Variants in KAZN observed in about 807,000 individuals in gnomAD.
KAZN encodes kazrin, periplakin interacting protein, also known as kazrin.
A neutral mutation model predicts 87.4 loss-of-function variants in KAZN; 40 were observed. The observed-to-expected ratio is 0.46, with a 90% confidence interval of 0.36 to 0.60. The LOEUF is 0.60. Ranked by LOEUF, KAZN falls within the 20% of genes least tolerant of loss-of-function variation. The pLI is 0.00. For synonymous variants in KAZN, 466 were observed against 458.3 expected (o/e 1.02, Z -0.22); for missense variants, 898 against 1,073.9 (o/e 0.84, Z 2.29).
At chr1:15,023,687 G>A (rs968904063) in intron 2 of KAZN, among the ~76,000 whole-genome samples, 1 of 151,322 alleles carries the variant, frequency 6.6e-6, no homozygotes, top group African/African-American at 2.4e-5. Context: ...CTTTTAAGGG[G>A]ACAGCTCCAT....
intron 2 of KAZN, among the ~76,000 whole-genome samples, chr1:14,453,507 T>G (rs1667396649): frequency 6.6e-6 from 1 of 152,192 alleles, no homozygotes; most frequent in Admixed American, 6.5e-5. Flanking sequence ...ATACTATGGA[T>G]ATAATGCCTG....
At chr1:14,530,303 C>T (rs1672138003) in intron 2 of KAZN, among the ~76,000 whole-genome samples, 1 of 152,226 alleles carries the variant, frequency 6.6e-6, no homozygotes, top group African/African-American at 2.4e-5. Context: ...CCAGGAGAGT[C>T]TGAGCCACCT....
chr1:14,637,312 C>T (rs184262965), intron 1 of KAZN, among the ~76,000 whole-genome samples: 2 of 152,160 alleles, frequency 1.3e-5, no homozygotes, highest in African/African-American at 2.4e-5. Flanking sequence ...CTTCTAGATG[C>T]CGGGCACTGA....
chr1:14,846,936 C>A (rs766404097), intron 1 of KAZN, among the ~76,000 whole-genome samples: 28 of 152,118 alleles, frequency 1.8e-4, no homozygotes, highest in Non-Finnish European at 1.9e-4. Context: ...CACCACAGCC[C>A]CTGGCAGGGA....
intron 1 of KAZN, among the ~76,000 whole-genome samples, chr1:14,091,847 A>G (rs914177353): frequency 4.6e-5 from 7 of 152,148 alleles, no homozygotes; most frequent in African/African-American, 1.7e-4. Flanking sequence ...AATTCATGCT[A>G]ACCTTGCTTG....
At chr1:14,747,590 T>G (rs1572384640) in intron 1 of KAZN, among the ~76,000 whole-genome samples, 1 of 152,238 alleles carries the variant, frequency 6.6e-6, no homozygotes, top group Admixed American at 6.5e-5. Context: ...CGTATCACAT[T>G]TTAAAATCCA....
At chr1:14,197,431 G>C (rs906138006) in intron 2 of KAZN, among the ~76,000 whole-genome samples, 4 of 148,942 alleles carry the variant, frequency 2.7e-5, no homozygotes, top group Non-Finnish European at 5.9e-5. Flanking sequence ...GTACATGCCT[G>C]TAATCCCAGC....
chr1:14,852,711 G>T (rs972812439), intron 1 of KAZN, among the ~76,000 whole-genome samples: 1 of 152,236 alleles, frequency 6.6e-6, no homozygotes, highest in Non-Finnish European at 1.5e-5. Flanking sequence ...GGGGCAAGAG[G>T]CTCTGGGGTA....
chr1:14,292,022 A>T (rs1653737245), intron 2 of KAZN, among the ~76,000 whole-genome samples: 2 of 152,150 alleles, frequency 1.3e-5, no homozygotes, highest in East Asian at 3.8e-4. Context: ...GTATTTCTTC[A>T]TAGCAGCTTG....
intron 1 of KAZN, among the ~76,000 whole-genome samples, chr1:13,936,394 G>A (rs958352569): frequency 6.6e-6 from 1 of 151,940 alleles, no homozygotes; most frequent in African/African-American, 2.4e-5. Flanking sequence ...GAGCCACCAT[G>A]CCTGGCCTAC....
rs145771126 is a variant in KAZN at position 14,608,410 on chromosome 1, A to G, written c.226+9187A>G. 3.9e-3 allele frequency among the ~76,000 whole-genome samples: 593 copies of G among 152,366 alleles called. 5 individuals carry two copies. The highest frequency in any genetic ancestry group is 0.014 in the African/African-American group (565 of 41,588). ...GTCTAGATGGGTGTAATGGAAAAAT[A>G]GACAATGAAGTGACAAATACAGGAG... On this transcript the variant is annotated intron_variant, in intron 1 of 14. Coordinates refer to ENST00000376030, the MANE Select transcript of KAZN (RefSeq NM_201628.3).
Position 14,878,808 on chromosome 1 carries a change from C to T in KAZN, c.227-81876C>T, listed in dbSNP as rs555342304. ...TGTTTTCCCAGTTGCTCTGGGAACA[C>T]GTTTCCTTCCCACATCCCACTGGGA... On this transcript the variant is annotated intron_variant, in intron 1 of 14. Coordinates refer to ENST00000376030, the MANE Select transcript of KAZN (RefSeq NM_201628.3). Among the ~76,000 whole-genome samples the T allele has an allele frequency of 3.9e-5, 6 of 152,282 alleles. No individual in the cohort carries two copies. In the South Asian group the frequency reaches 8.3e-4, roughly 21 times the overall value.
intron 2 of KAZN, among the ~76,000 whole-genome samples, chr1:15,019,508 C>G (rs181427429): frequency 6.6e-6 from 1 of 152,332 alleles, no homozygotes. Context: ...TGTGCCTCGG[C>G]CTCCCTAGTA....
At chr1:14,653,084 G>A (rs951467455) in intron 1 of KAZN, among the ~76,000 whole-genome samples, 1 of 152,214 alleles carries the variant, frequency 6.6e-6, no homozygotes, top group Non-Finnish European at 1.5e-5. Flanking sequence ...GATAAACAGG[G>A]AGATTGTGCT....
At chr1:14,295,740 G>T (rs780535615) in intron 2 of KAZN, among the ~76,000 whole-genome samples, 1 of 152,138 alleles carries the variant, frequency 6.6e-6, no homozygotes, top group Non-Finnish European at 1.5e-5. Context: ...TGAGATCTCA[G>T]CTCACTTTCT....
intron 1 of KAZN, among the ~76,000 whole-genome samples, chr1:13,904,498 A>G (rs1639365317): frequency 6.6e-6 from 1 of 152,120 alleles, no homozygotes; most frequent in Non-Finnish European, 1.5e-5. Context: ...GGTCTCTAGA[A>G]TGTTTAGTTT....
rs990029829 is a variant in KAZN, at chr1:15,073,137, G to A, written c.1222+7384G>A. 5.3e-5 allele frequency among the ~76,000 whole-genome samples: 8 copies of A among 152,168 alleles called. 1 individual carries two copies. Among genetic ancestry groups the A allele is most frequent in the Admixed American group, 2.0e-4 (3 of 15,284 alleles). On this transcript the variant is annotated intron_variant, in intron 8 of 14. Transcript: ENST00000376030. ...TGTTACACACTGGACTTCCGTGTAC[G>A]AGTCCACGTGAAAGGTCCCATGGTA...
At chr1:14,217,947 A>G (rs1250509870) in intron 2 of KAZN, among the ~76,000 whole-genome samples, 1 of 152,164 alleles carries the variant, frequency 6.6e-6, no homozygotes, top group Non-Finnish European at 1.5e-5. Flanking sequence ...CTAAATTGAC[A>G]TTCACATGAA....
At chr1:14,086,956 A>C (rs1206623907) in intron 1 of KAZN, among the ~76,000 whole-genome samples, 1 of 150,898 alleles carries the variant, frequency 6.6e-6, no homozygotes, top group Non-Finnish European at 1.5e-5. Context: ...TTGAAATCAA[A>C]TAATTGTAAG....
Sources: gnomAD v4.1 joint callset for allele counts (sites outside exome capture counted in the v4.1 genomes callset) on GRCh38, gnomAD v4.1.1 for gene constraint, MANE v1.5 for transcripts, NCBI Gene and HGNC (gene_info 2026-07-23, HGNC 2026-07-21) for gene names.